Variants in RNF217 observed in about 807,000 individuals in gnomAD.
RNF217 encodes ring finger protein 217.
Under a neutral mutation model 57.8 loss-of-function variants are expected in RNF217, and 31 were observed. That is an observed-to-expected ratio of 0.54 (90% CI 0.40 to 0.72). The LOEUF is 0.72. RNF217 is among the 30% of genes least tolerant of loss of function. The probability of loss-of-function intolerance (pLI) is 0.00; values close to 1 mark genes in which losing one functional copy is unlikely to be tolerated. For synonymous variants in RNF217, 313 were observed against 294.0 expected (o/e 1.06, Z -0.66); for missense variants, 696 against 708.3 (o/e 0.98, Z 0.20).
intron 3 of RNF217, among the ~76,000 whole-genome samples, chr6:125,060,439 T>A (rs1462727481): frequency 6.6e-6 from 1 of 152,024 alleles, no homozygotes; most frequent in Non-Finnish European, 1.5e-5. Flanking sequence ...TTTTAGTAAA[T>A]ATTGTTATTT....
chr6:124,976,707 G>C (rs1381267762), intron 1 of RNF217, among the ~76,000 whole-genome samples: 1 of 151,922 alleles, frequency 6.6e-6, no homozygotes, highest in African/African-American at 2.4e-5. Flanking sequence ...GTTTCACCAT[G>C]TTGACCAGGC....
chr6:124,991,334 T>G (rs1426299069), intron 1 of RNF217, among the ~76,000 whole-genome samples: 1 of 152,236 alleles, frequency 6.6e-6, no homozygotes, highest in Non-Finnish European at 1.5e-5. Context: ...CCCATAATAT[T>G]TACATGGCTA....
At chr6:124,987,832 A>T (rs1052388041) in intron 1 of RNF217, among the ~76,000 whole-genome samples, 1 of 152,160 alleles carries the variant, frequency 6.6e-6, no homozygotes, top group Non-Finnish European at 1.5e-5. Context: ...TGTGATTCAA[A>T]TATTAGTTGT....
intron 3 of RNF217, among the ~76,000 whole-genome samples, chr6:125,062,570 T>G (rs889466568): frequency 6.6e-6 from 1 of 152,090 alleles, no homozygotes; most frequent in Non-Finnish European, 1.5e-5. Context: ...TCCTTTTGTT[T>G]GTTTGTTTGT....
chr6:125,017,226 G>T (rs1785647144), intron 1 of RNF217, among the ~76,000 whole-genome samples: 1 of 152,140 alleles, frequency 6.6e-6, no homozygotes, highest in Non-Finnish European at 1.5e-5. Flanking sequence ...TTTATGCATG[G>T]AAAACTTCCT....
At position 125,085,769 on chromosome 6, in the gene RNF217, C is replaced by G. The variant is rs1415968143; in HGVS notation, c.*2832C>G. On this transcript the variant is annotated 3_prime_UTR_variant, in exon 6 of 6. Coordinates refer to ENST00000521654, the MANE Select transcript of RNF217 (RefSeq NM_001286398.3). ...GGTTTGGTATGTGTCCTTCCAGACACTTTCTACAAATATACAAATAAGTGT... is the reference window on the plus strand; with the variant it reads ...GGTTTGGTATGTGTCCTTCCAGACAGTTTCTACAAATATACAAATAAGTGT... The G allele has an allele frequency of 1.3e-5, 2 of 151,812 alleles. No homozygotes were observed. The highest frequency in any genetic ancestry group is 3.9e-4 in the East Asian group (2 of 5,180). The allele number at this position is 151,812 out of a possible 1,614,324, so 9.4% of individuals were successfully genotyped here.
At chr6:125,026,648 A>G (rs1020621058) in intron 1 of RNF217, among the ~76,000 whole-genome samples, 14 of 150,776 alleles carry the variant, frequency 9.3e-5, no homozygotes, top group African/African-American at 1.9e-4. Flanking sequence ...TTTCTCTGAG[A>G]AAAAAAAAAG....
intron 1 of RNF217, 85 bp downstream of exon 1, chr6:124,963,511 C>T: frequency 1.4e-6 from 2 of 1,400,594 alleles, no homozygotes; most frequent in East Asian, 2.6e-5. Context: ...TCCCTGCTCG[C>T]GCGAAGAGGT....
intron 4 of RNF217, among the ~76,000 whole-genome samples, chr6:125,079,223 C>G (rs2114649712): frequency 6.6e-6 from 1 of 152,158 alleles, no homozygotes; most frequent in Middle Eastern, 3.4e-3. Context: ...GGGGCATCTC[C>G]CCCAGTGAGG....
intron 2 of RNF217, among the ~76,000 whole-genome samples, chr6:125,050,530 T>C (rs535925255): frequency 6.6e-6 from 1 of 152,088 alleles, no homozygotes; most frequent in South Asian, 2.1e-4. Context: ...TTTTCTCATG[T>C]GGTAAAAGAA....
chr6:125,023,639 C>G (rs1232721067), intron 1 of RNF217, among the ~76,000 whole-genome samples: 1 of 151,910 alleles, frequency 6.6e-6, no homozygotes, highest in Non-Finnish European at 1.5e-5. Context: ...CTCATTGTGC[C>G]CTGTTCACAA....
At chr6:125,026,263 C>T (rs1786077099) in intron 1 of RNF217, among the ~76,000 whole-genome samples, 1 of 152,162 alleles carries the variant, frequency 6.6e-6, no homozygotes, top group Non-Finnish European at 1.5e-5. Flanking sequence ...TGTCCAGGCT[C>T]TGCCAGTGAC....
chr6:125,058,737 A>T (rs774917630), intron 3 of RNF217, among the ~76,000 whole-genome samples: 1 of 152,198 alleles, frequency 6.6e-6, no homozygotes, highest in Non-Finnish European at 1.5e-5. Context: ...ACAGCCAGGG[A>T]AGACTCTCCT....
intron 1 of RNF217, among the ~76,000 whole-genome samples, chr6:125,037,394 G>A (rs533525056): frequency 1.3e-5 from 2 of 152,126 alleles, no homozygotes; most frequent in Admixed American, 6.6e-5. Context: ...TTCTCTGGTT[G>A]CTTCTTGTTA....
rs1401333372 is a variant in RNF217 at position 125,091,640 on chromosome 6, G to T, written c.*8703G>T. On this transcript the variant is annotated 3_prime_UTR_variant, in exon 6 of 6. Transcript: ENST00000521654. ...TTAAGTTTAGAACAGGAGTTGAAAT[G>T]ACTCTCAGTTTTATCTATAGCTCCA... 3 of 149,700 alleles carry T rather than the reference G, an allele frequency of 2.0e-5. No individual in the cohort carries two copies. Among genetic ancestry groups the T allele is most frequent in the African/African-American group, 7.4e-5 (3 of 40,308 alleles). 9.3% of individuals were successfully genotyped at this position (149,700 alleles called of 1,614,324 possible).
chr6:125,071,156 T>C (rs1312943665), intron 3 of RNF217, among the ~76,000 whole-genome samples: 6 of 152,188 alleles, frequency 3.9e-5, no homozygotes, highest in Admixed American at 3.9e-4. Context: ...ATGCAGATGG[T>C]TCCCAAGTTA....
At chr6:125,062,362 G>A (rs1274867570) in intron 3 of RNF217, among the ~76,000 whole-genome samples, 1 of 151,902 alleles carries the variant, frequency 6.6e-6, no homozygotes. Context: ...ATTTATAATT[G>A]TATTTTGGCA....
chr6:125,015,795 T>C (rs1785577969), intron 1 of RNF217, among the ~76,000 whole-genome samples: 1 of 152,148 alleles, frequency 6.6e-6, no homozygotes, highest in African/African-American at 2.4e-5. Flanking sequence ...AAAGGGGCAT[T>C]CATTGCTGTA....
intron 1 of RNF217, among the ~76,000 whole-genome samples, chr6:124,965,795 C>T (rs1783515436): frequency 6.6e-6 from 1 of 152,106 alleles, no homozygotes; most frequent in Admixed American, 6.5e-5. Flanking sequence ...AAAAATTGAG[C>T]CTCACCCCAC....
Sources: gnomAD v4.1 joint callset for allele counts (sites outside exome capture counted in the v4.1 genomes callset) on GRCh38, gnomAD v4.1.1 for gene constraint, MANE v1.5 for transcripts, NCBI Gene and HGNC (gene_info 2026-07-23, HGNC 2026-07-21) for gene names.